Variants in SLF1 observed in about 807,000 individuals in gnomAD.
SLF1 encodes the protein SMC5/6 complex localization factor 1.
A neutral mutation model predicts 123.0 loss-of-function variants in SLF1; 105 were observed. That is an observed-to-expected ratio of 0.85 (90% confidence interval 0.73 to 1.00). SLF1 has a LOEUF of 1.00. Among genes scored for constraint, SLF1 ranks in the 50% least tolerant of loss-of-function variants. The pLI, the probability that SLF1 is intolerant of heterozygous loss-of-function variation, is 0.00. For missense variants in SLF1, 1,239 were observed against 1,223.0 expected, an observed-to-expected ratio of 1.01 and a Z score of -0.20; for synonymous variants, 434 against 406.6, an observed-to-expected ratio of 1.07 and a Z score of -0.81.
chr5:94,628,742 A>G (rs1744890268), intron 1 of SLF1, 69 bp from the exon 2 acceptor site: 1 of 1,055,826 alleles, frequency 9.5e-7, no homozygotes, highest in Non-Finnish European at 1.3e-6. Context: ...ATAGTTAAGA[A>G]AAAATAATGT....
chr5:94,669,239 T>A (rs1044018974), intron 12 of SLF1, among the ~76,000 whole-genome samples: 1 of 152,146 alleles, frequency 6.6e-6, no homozygotes. Flanking sequence ...AAAGACTGAT[T>A]AACTATGTGG....
intron 12 of SLF1, among the ~76,000 whole-genome samples, chr5:94,667,808 G>A (rs530013738): frequency 6.6e-6 from 1 of 152,286 alleles, no homozygotes. Context: ...GAGTGCAATG[G>A]CACAATCACG....
intron 1 of SLF1, among the ~76,000 whole-genome samples, chr5:94,627,601 T>TATATATATATATAC (rs1744647069): frequency 7.4e-6 from 1 of 134,462 alleles, no homozygotes; most frequent in African/African-American, 2.9e-5. Flanking sequence ...TATATATATA[T>TATATATATATATAC]ATATATATAT....
intron 9 of SLF1, among the ~76,000 whole-genome samples, chr5:94,661,675 T>C (rs1749136104): frequency 6.6e-6 from 1 of 151,984 alleles, no homozygotes; most frequent in Non-Finnish European, 1.5e-5. Context: ...TAGCTAGGAT[T>C]ATAGGCGCCT....
intron 15 of SLF1, among the ~76,000 whole-genome samples, chr5:94,681,686 C>G (rs1311032965): frequency 6.7e-6 from 1 of 149,964 alleles, no homozygotes; most frequent in Non-Finnish European, 1.5e-5. Context: ...TGTGATGTTC[C>G]CCTTCCTGTG....
At chr5:94,687,990 CAAT>C (rs1752637272) in intron 16 of SLF1, among the ~76,000 whole-genome samples, 1 of 146,764 alleles carries the variant, frequency 6.8e-6, no homozygotes, top group South Asian at 2.2e-4. Flanking sequence ...ATTAATAAGG[CAAT>C]ATTAATTTAG....
At chr5:94,678,750 C>G (rs546289085) in intron 14 of SLF1, 58 bp from the exon 15 acceptor site, 133 of 1,442,120 alleles carry the variant, frequency 9.2e-5, no homozygotes, top group Non-Finnish European at 4.8e-5. Flanking sequence ...AAAATAAATA[C>G]TAACAGAAAT....
intron 5 of SLF1, among the ~76,000 whole-genome samples, chr5:94,645,931 C>G (rs1746983048): frequency 1.3e-5 from 2 of 152,040 alleles, no homozygotes; most frequent in African/African-American, 4.8e-5. Context: ...GAAGTGTCAT[C>G]CAAGAAAAGC....
chr5:94,670,955 A>G lies in SLF1; in HGVS notation c.1774A>G (p.Met592Val), dbSNP rs1278908918. The change falls in exon 14 of 21, where the codon ATG becomes GTG. Residue 592 changes from methionine (M) to valine (V), a missense_variant. Met to Val is a conservative substitution (Grantham distance 21). Transcript: ENST00000265140. ...TSGLLTKPVN[M>V]LLEWTIYSHK... ...TGGGCTTTTGACCAAACCAGTAAATATGCTTTTGGAATGGACTATATATTC... is the reference window on the plus strand; with the variant it reads ...TGGGCTTTTGACCAAACCAGTAAATGTGCTTTTGGAATGGACTATATATTC... The G allele has an allele frequency of 6.5e-7, 1 of 1,549,804 alleles. No individual in the cohort carries two copies. The highest frequency in any genetic ancestry group is 1.4e-5 in the African/African-American group (1 of 73,112).
Position 94,662,467 on chromosome 5 carries a change from T to C in SLF1, c.1209+116T>C, listed in dbSNP as rs1340022853. The C allele has an allele frequency of 1.7e-4, 129 of 743,426 alleles. 1 individual carries two copies. Among genetic ancestry groups the C allele is most frequent in the Non-Finnish European group, 5.8e-6 (3 of 513,484 alleles). 46.1% of individuals were successfully genotyped at this position (743,426 alleles called of 1,614,324 possible). ...ATGCACAATAAAAGGTAACGTATTATATGCACAAATAAAGAAATATAGCTT... is the reference window on the plus strand; with the variant it reads ...ATGCACAATAAAAGGTAACGTATTACATGCACAAATAAAGAAATATAGCTT... On this transcript the variant is annotated intron_variant, in intron 10 of 20. Coordinates refer to ENST00000265140, the MANE Select transcript of SLF1 (RefSeq NM_032290.4).
intron 5 of SLF1, among the ~76,000 whole-genome samples, chr5:94,647,120 C>T (rs1747154036): frequency 6.6e-6 from 1 of 152,156 alleles, no homozygotes; most frequent in Non-Finnish European, 1.5e-5. Context: ...TCTTCCTTTC[C>T]TAGATCCTTT....
intron 14 of SLF1, among the ~76,000 whole-genome samples, chr5:94,674,382 C>A (rs2152491582): frequency 6.6e-6 from 1 of 152,182 alleles, no homozygotes; most frequent in East Asian, 1.9e-4. Flanking sequence ...AAGCAGTCTG[C>A]AATAAATTGT....
intron 1 of SLF1, among the ~76,000 whole-genome samples, chr5:94,619,494 C>CA (rs959423547): frequency 1.0e-3 from 148 of 147,900 alleles, no homozygotes; most frequent in Admixed American, 4.3e-3. Flanking sequence ...TAAATATTGA[C>CA]AAAAAAAAAA....
intron 5 of SLF1, among the ~76,000 whole-genome samples, chr5:94,643,845 T>G (rs1267001676): frequency 6.6e-6 from 1 of 152,088 alleles, no homozygotes. Flanking sequence ...GTTGTTTGAA[T>G]GGGCATCAAA....
In SLF1 at chr5:94,695,029, A is replaced by G. The variant is rs751666463; in HGVS notation, c.2894A>G (p.Asn965Ser). The G allele has an allele frequency of 1.9e-6, 3 of 1,612,254 alleles. No individual in the cohort carries two copies. The highest frequency in any genetic ancestry group is 2.2e-5 in the East Asian group (1 of 44,808). The change falls in exon 21 of 21, where the codon AAT (asparagine) becomes AGT (serine). Residue 965 changes from asparagine (N) to serine (S), a missense_variant. By Grantham distance (46) the Asn-to-Ser change is conservative. Transcript: ENST00000265140. ...TTTTTACTTAGTAGGATGTTGCTAA[A>G]TTTTTGTTCAATTTTTGATTTATCT... ...GSFLLSRMLL[N>S]FCSIFDLSSE...
At chr5:94,635,317 C>T (rs764317961) in intron 4 of SLF1, among the ~76,000 whole-genome samples, 1 of 144,638 alleles carries the variant, frequency 6.9e-6, no homozygotes, top group African/African-American at 2.5e-5. Flanking sequence ...GTTGGTCTCC[C>T]GTAGGCAGTA....
intron 15 of SLF1, among the ~76,000 whole-genome samples, chr5:94,686,274 C>T (rs1752422252): frequency 6.6e-6 from 1 of 152,008 alleles, no homozygotes; most frequent in Non-Finnish European, 1.5e-5. Flanking sequence ...AATAAAATCC[C>T]CTCTATATAT....
chr5:94,620,628 CTG>C (rs1420522257), intron 1 of SLF1, among the ~76,000 whole-genome samples: 1 of 152,118 alleles, frequency 6.6e-6, no homozygotes, highest in Non-Finnish European at 1.5e-5. Context: ...ATAAAAAATT[CTG>C]TGTTGGCTTT....
chr5:94,628,996 A>G, intron 2 of SLF1, 72 bp downstream of exon 2: 9 of 1,398,366 alleles, frequency 6.4e-6, no homozygotes, highest in Non-Finnish European at 8.8e-6. Context: ...CCTAAGAATG[A>G]TAAAATGCCT....
Sources: allele counts gnomAD v4.1 joint callset (sites outside exome capture counted in the v4.1 genomes callset), GRCh38; gene constraint gnomAD v4.1.1; transcripts MANE v1.5; gene names NCBI Gene and HGNC (gene_info 2026-07-23, HGNC 2026-07-21).